STARD13: variants seen among roughly 807,000 people sequenced by gnomAD.
STARD13 encodes StAR related lipid transfer domain containing 13.
A neutral mutation model predicts 106.4 loss-of-function variants in STARD13; 62 were observed. That is an observed-to-expected ratio of 0.58 (90% CI 0.48 to 0.72). STARD13 has a LOEUF of 0.72. Ranked by LOEUF, STARD13 falls within the 30% of genes least tolerant of loss-of-function variation. The pLI is 0.00. For missense variants in STARD13, 1,387 were observed against 1,424.0 expected, an observed-to-expected ratio of 0.97 and a Z score of 0.42; for synonymous variants, 565 against 553.0, an observed-to-expected ratio of 1.02 and a Z score of -0.31.
chr13:33,239,919 T>C (rs1889383144), intron 1 of STARD13, among the ~76,000 whole-genome samples: 1 of 152,234 alleles, frequency 6.6e-6, no homozygotes, highest in Non-Finnish European at 1.5e-5. Flanking sequence ...TTGTCTATTT[T>C]TGCTTTGCTG....
the STARD13 span, among the ~76,000 whole-genome samples, chr13:33,634,618 G>A: frequency 6.6e-6 from 1 of 152,036 alleles, no homozygotes; most frequent in South Asian, 2.1e-4. Flanking sequence ...AAGGAGCCTC[G>A]AGAGGTCACT....
intron 1 of STARD13, among the ~76,000 whole-genome samples, chr13:33,296,977 TG>T (rs1311435072): frequency 6.6e-6 from 1 of 152,242 alleles, no homozygotes. Flanking sequence ...GGTCTTTCTC[TG>T]TCTGGCTGAT....
chr13:33,322,347 A>T (rs1172311733), intron 1 of STARD13, among the ~76,000 whole-genome samples: 2 of 152,240 alleles, frequency 1.3e-5, no homozygotes, highest in Non-Finnish European at 2.9e-5. Context: ...CTTGTCCTAC[A>T]GGCTCAAGGA....
At chr13:33,218,912 A>T (rs1217549735) in intron 1 of STARD13, among the ~76,000 whole-genome samples, 1 of 152,204 alleles carries the variant, frequency 6.6e-6, no homozygotes, top group Non-Finnish European at 1.5e-5. Flanking sequence ...CACGGCACTG[A>T]AAAAACAGAG....
At chr13:33,325,474 C>A (rs960442961) in intron 1 of STARD13, among the ~76,000 whole-genome samples, 1 of 152,168 alleles carries the variant, frequency 6.6e-6, no homozygotes, top group Non-Finnish European at 1.5e-5. Context: ...ATTTTGAGTC[C>A]TTTTCTTCAC....
chr13:33,446,892 T>C, the STARD13 span, among the ~76,000 whole-genome samples: 1 of 152,228 alleles, frequency 6.6e-6, no homozygotes, highest in African/African-American at 2.4e-5. Context: ...ACTGTAGTTT[T>C]GTTATTTATC....
At chr13:33,583,744 C>G in the STARD13 span, among the ~76,000 whole-genome samples, 1 of 152,182 alleles carries the variant, frequency 6.6e-6, no homozygotes, top group Admixed American at 6.5e-5. Context: ...AAACCACATG[C>G]CACTGTACCC....
At chr13:33,317,557 G>T (rs1442819379) in intron 1 of STARD13, among the ~76,000 whole-genome samples, 1 of 151,978 alleles carries the variant, frequency 6.6e-6, no homozygotes. Context: ...GATCTAAGAG[G>T]CCAATTACCT....
At position 33,106,757 on chromosome 13, in the gene STARD13, C is replaced by G. The variant is rs1873769793; in HGVS notation, c.3224+1G>C. On this transcript the variant is annotated splice_donor_variant, in intron 13 of 13. Coordinates refer to ENST00000336934, the MANE Select transcript of STARD13 (RefSeq NM_178006.4). LOFTEE classifies it high-confidence loss of function. ...CTGCCATTAAGGGAGTCAGCACTTA[C>G]TTCAGGTCTATCCTGCAGATGTGAG... The G allele has an allele frequency of 4.4e-6, 7 of 1,606,840 alleles. No homozygotes were observed. The East Asian group carries it at 1.6e-4, about 36-fold the overall frequency.
At chr13:33,165,286 C>A (rs762118801) in intron 3 of STARD13, 51 bp downstream of exon 3, 1 of 1,353,448 alleles carries the variant, frequency 7.4e-7, no homozygotes, top group Non-Finnish European at 1.1e-6. Context: ...ATAGTGATGC[C>A]TGTTGCAGAC....
chr13:33,259,914 C>T (rs888240122), intron 1 of STARD13, among the ~76,000 whole-genome samples: 4 of 148,282 alleles, frequency 2.7e-5, no homozygotes, highest in South Asian at 2.1e-4. Context: ...GGATAATGCT[C>T]GAACTCAGGA....
intron 7 of STARD13, among the ~76,000 whole-genome samples, chr13:33,119,821 T>G (rs2138110710): frequency 6.6e-6 from 1 of 152,364 alleles, no homozygotes; most frequent in Non-Finnish European, 1.5e-5. Context: ...TGCACAGTTT[T>G]GCCATACTTA....
At chr13:33,676,586 G>A in the STARD13 span, 1 of 152,196 alleles carries the variant, frequency 6.6e-6, no homozygotes, top group Non-Finnish European at 1.5e-5. Flanking sequence ...GCATGTTAGA[G>A]TTTCATATTA....
At chr13:33,561,652 C>T in the STARD13 span, among the ~76,000 whole-genome samples, 1 of 120,528 alleles carries the variant, frequency 8.3e-6, no homozygotes, top group African/African-American at 3.0e-5. Context: ...TAACTTCAGT[C>T]TACTCTTCAT....
the STARD13 span, among the ~76,000 whole-genome samples, chr13:33,428,012 G>A: frequency 6.6e-6 from 1 of 151,588 alleles, no homozygotes; most frequent in East Asian, 1.9e-4. Flanking sequence ...AGAGAACTCG[G>A]ACATAAATCC....
chr13:33,634,911 AG>A, the STARD13 span, among the ~76,000 whole-genome samples: 2 of 152,170 alleles, frequency 1.3e-5, no homozygotes, highest in Non-Finnish European at 2.9e-5. Flanking sequence ...TCATTTCCCC[AG>A]AATGTCCCCT....
At chr13:33,360,448 C>T in the STARD13 span, among the ~76,000 whole-genome samples, 1 of 151,674 alleles carries the variant, frequency 6.6e-6, no homozygotes, top group Non-Finnish European at 1.5e-5. Context: ...TTGTGATCCA[C>T]ACACCTCGGC....
the STARD13 span, among the ~76,000 whole-genome samples, chr13:33,481,469 C>A: frequency 6.6e-6 from 1 of 152,194 alleles, no homozygotes; most frequent in South Asian, 2.1e-4. Context: ...ATGCAACTAT[C>A]AATTTATAGA....
the STARD13 span, among the ~76,000 whole-genome samples, chr13:33,626,336 A>C: frequency 6.6e-6 from 1 of 152,196 alleles, no homozygotes; most frequent in Non-Finnish European, 1.5e-5. Flanking sequence ...CATCTCTCAA[A>C]CCATTCTATT....
Sources: gnomAD v4.1 joint callset for allele counts (sites outside exome capture counted in the v4.1 genomes callset) on GRCh38, gnomAD v4.1.1 for gene constraint, MANE v1.5 for transcripts, NCBI Gene and HGNC (gene_info 2026-07-23, HGNC 2026-07-21) for gene names.